Variants in PTPRT observed in about 807,000 individuals in gnomAD.
PTPRT encodes the protein protein tyrosine phosphatase receptor type T.
In PTPRT, 56 loss-of-function variants were observed where a neutral mutation model predicts 176.8. The observed-to-expected ratio is 0.32, with a 90% CI of 0.26 to 0.40. The LOEUF (loss-of-function observed/expected upper bound fraction) is 0.40. Ranked by LOEUF, PTPRT falls within the 10% of genes least tolerant of loss-of-function variation. The pLI is 1.00. For synonymous variants in PTPRT, 783 were observed against 739.0 expected (o/e 1.06, Z -0.96); for missense variants, 1,540 against 1,908.2 (o/e 0.81, Z 3.60).
intron 11 of PTPRT, among the ~76,000 whole-genome samples, chr20:42,321,269 T>C (rs1174309346): frequency 2.0e-5 from 3 of 152,106 alleles, no homozygotes; most frequent in African/African-American, 7.2e-5. Flanking sequence ...CATATTATAA[T>C]TACCCAGAGG....
At chr20:42,487,794 T>C (rs1366269832) in intron 7 of PTPRT, among the ~76,000 whole-genome samples, 1 of 152,208 alleles carries the variant, frequency 6.6e-6, no homozygotes, top group African/African-American at 2.4e-5. Context: ...GCTACGCTTA[T>C]GGTGAATTGT....
chr20:42,050,156 C>T, the PTPRT span, among the ~76,000 whole-genome samples: 1 of 152,170 alleles, frequency 6.6e-6, no homozygotes, highest in Admixed American at 6.5e-5. Context: ...CATTGCTGGA[C>T]TTAGCAAGTG....
chr20:42,384,865 C>T (rs1287358441), intron 9 of PTPRT, among the ~76,000 whole-genome samples: 1 of 152,096 alleles, frequency 6.6e-6, no homozygotes, highest in Admixed American at 6.5e-5. Context: ...TTTTCATGTA[C>T]TTGTTGTCCA....
intron 9 of PTPRT, among the ~76,000 whole-genome samples, chr20:42,413,448 C>A (rs1336669700): frequency 6.6e-6 from 1 of 152,118 alleles, no homozygotes; most frequent in African/African-American, 2.4e-5. Flanking sequence ...TAAAGCTACT[C>A]TCACCCCCAT....
rs35901100 is a variant in PTPRT, at chr20:42,345,366, T to TACACACACACAC, written c.1865+5250_1865+5261dup. Among the ~76,000 whole-genome samples, 5 of 134,088 alleles carry TACACACACACAC rather than the reference T, an allele frequency of 3.7e-5. No homozygotes were observed. In the South Asian group the frequency reaches 9.9e-4, roughly 27 times the overall value. The allele number at this position is 134,088 out of a possible 152,430, so 88.0% of individuals were successfully genotyped here. Reference sequence around the variant, plus strand: ...AATAAGAGGTAGCTGAAGGCATATATACACACACACACACACACACACACA... The same window carrying TACACACACACAC: ...AATAAGAGGTAGCTGAAGGCATATATACACACACACACACACACACACACACACACACACACA... On this transcript the variant is annotated intron_variant, in intron 11 of 30. Transcript: ENST00000373187.
intron 5 of PTPRT, among the ~76,000 whole-genome samples, chr20:42,759,243 AAC>A (rs1416983320): frequency 1.3e-5 from 2 of 152,236 alleles, no homozygotes; most frequent in Non-Finnish European, 2.9e-5. Context: ...TAACATCATA[AAC>A]ACTTTTATTT....
intron 1 of PTPRT, among the ~76,000 whole-genome samples, chr20:42,977,551 G>T (rs973221993): frequency 6.6e-6 from 1 of 151,936 alleles, no homozygotes. Context: ...CTACCACCCA[G>T]AGACAAGAAC....
chr20:42,436,105 T>C (rs1382896393), intron 9 of PTPRT, among the ~76,000 whole-genome samples: 1 of 152,218 alleles, frequency 6.6e-6, no homozygotes, highest in African/African-American at 2.4e-5. Context: ...TAATTGCAGA[T>C]AGATCAAAAA....
intron 1 of PTPRT, among the ~76,000 whole-genome samples, chr20:43,094,391 CTTTTTTTTT>C (rs71335878): frequency 4.6e-5 from 3 of 64,670 alleles, no homozygotes; most frequent in African/African-American, 6.4e-5. Flanking sequence ...CGGCCTCTTT[CTTTTTTTTT>C]TTTTTTTTTT....
At chr20:42,889,706 A>G (rs1720604146) in intron 1 of PTPRT, among the ~76,000 whole-genome samples, 1 of 152,256 alleles carries the variant, frequency 6.6e-6, no homozygotes, top group African/African-American at 2.4e-5. Context: ...GGGAATTTCA[A>G]GGAATGCTGC....
chr20:42,521,752 G>C (rs1208516851), intron 7 of PTPRT, among the ~76,000 whole-genome samples: 6 of 152,084 alleles, frequency 3.9e-5, no homozygotes, highest in African/African-American at 9.7e-5. Flanking sequence ...TATATAAAGT[G>C]CTTGGTTTAC....
intron 25 of PTPRT, among the ~76,000 whole-genome samples, chr20:42,102,790 G>C (rs1986073319): frequency 6.6e-6 from 1 of 152,232 alleles, no homozygotes; most frequent in Non-Finnish European, 1.5e-5. Context: ...GCTCAGGATA[G>C]ATGAGAGACC....
At chr20:42,834,196 G>A (rs949464657) in intron 2 of PTPRT, among the ~76,000 whole-genome samples, 9 of 152,094 alleles carry the variant, frequency 5.9e-5, no homozygotes, top group Non-Finnish European at 7.4e-5. Context: ...CAAAAAATTT[G>A]AGCAAACACA....
intron 1 of PTPRT, among the ~76,000 whole-genome samples, chr20:42,890,992 T>C (rs1283817004): frequency 6.6e-6 from 1 of 152,320 alleles, no homozygotes; most frequent in African/African-American, 2.4e-5. Context: ...TCTGCCACCA[T>C]GTAAGATGTG....
At chr20:42,521,848 T>C (rs1241310785) in intron 7 of PTPRT, among the ~76,000 whole-genome samples, 2 of 152,134 alleles carry the variant, frequency 1.3e-5, no homozygotes, top group African/African-American at 2.4e-5. Context: ...AACATTCTGG[T>C]TTTCTTTCCT....
chr20:42,601,112 T>A (rs1182843698), intron 7 of PTPRT, among the ~76,000 whole-genome samples: 1 of 152,218 alleles, frequency 6.6e-6, no homozygotes, highest in Non-Finnish European at 1.5e-5. Flanking sequence ...TCTACCATGT[T>A]ATGTACTAGT....
the PTPRT span, among the ~76,000 whole-genome samples, chr20:42,037,725 C>T: frequency 9.2e-5 from 14 of 152,122 alleles, 1 homozygote; most frequent in Admixed American, 7.2e-4. Flanking sequence ...GATGGCTAAA[C>T]GTTCTGATTT....
intron 17 of PTPRT, among the ~76,000 whole-genome samples, chr20:42,150,796 T>A (rs2146456165): frequency 6.6e-6 from 1 of 152,336 alleles, no homozygotes; most frequent in South Asian, 2.1e-4. Flanking sequence ...GCAAGGTAAC[T>A]TTTTGGTTGA....
intron 9 of PTPRT, among the ~76,000 whole-genome samples, chr20:42,361,200 G>A (rs1336482191): frequency 6.6e-6 from 1 of 152,158 alleles, no homozygotes; most frequent in Non-Finnish European, 1.5e-5. Context: ...TGCCAAGCAA[G>A]CCCAGAAGCT....
Sources: allele counts gnomAD v4.1 joint callset (sites outside exome capture counted in the v4.1 genomes callset), GRCh38; gene constraint gnomAD v4.1.1; transcripts MANE v1.5; gene names NCBI Gene and HGNC (gene_info 2026-07-23, HGNC 2026-07-21).